The following KHDRBS2 variants were observed in gnomAD, a reference collection of about 807,000 sequenced individuals.
The protein encoded by KHDRBS2 is KH domain-containing, RNA-binding, signal transduction-associated protein 2.
Under a neutral mutation model 44.3 loss-of-function variants are expected in KHDRBS2, and 26 were observed. That is an observed-to-expected ratio of 0.59 (90% confidence interval 0.43 to 0.81). The LOEUF is 0.81. Ranked by LOEUF, KHDRBS2 falls within the 40% of genes least tolerant of loss-of-function variation. The pLI is 0.00. For missense variants in KHDRBS2, 476 were observed against 433.1 expected (o/e 1.10, Z -0.88); for synonymous variants, 194 against 151.1 (o/e 1.28, Z -2.08).
the KHDRBS2 span, among the ~76,000 whole-genome samples, chr6:61,607,547 A>AAAAAG: frequency 1.4e-5 from 2 of 140,216 alleles, no homozygotes; most frequent in African/African-American, 5.2e-5. Flanking sequence ...AAAAAAAAAG[A>AAAAAG]TGTGTGAGAA....
At chr6:62,114,168 G>A (rs1805666641) in intron 2 of KHDRBS2, among the ~76,000 whole-genome samples, 1 of 152,022 alleles carries the variant, frequency 6.6e-6, no homozygotes, top group South Asian at 2.1e-4. Context: ...TGACACTTGA[G>A]AATTATGGGA....
intron 6 of KHDRBS2, among the ~76,000 whole-genome samples, chr6:61,884,387 G>A (rs546153857): frequency 6.6e-6 from 1 of 152,148 alleles, no homozygotes; most frequent in South Asian, 2.1e-4. Context: ...TTCTTGCTTT[G>A]TTGTGTCCCG....
the KHDRBS2 span, among the ~76,000 whole-genome samples, chr6:61,579,718 T>C: frequency 1.3e-5 from 2 of 152,164 alleles, no homozygotes; most frequent in Non-Finnish European, 2.9e-5. Context: ...ATAGGGACAT[T>C]GGGTGATCTT....
At position 62,031,871 on chromosome 6, in the gene KHDRBS2, A is replaced by G. The variant is rs371839439; in HGVS notation, c.336+16007T>C. 1.2e-4 allele frequency among the ~76,000 whole-genome samples: 19 copies of G among 152,198 alleles called. No homozygotes were observed. The East Asian group carries it at 2.3e-3, about 19-fold the overall frequency. On this transcript the variant is annotated intron_variant, in intron 3 of 8. Coordinates refer to ENST00000281156, the MANE Select transcript of KHDRBS2 (RefSeq NM_152688.4). The stretch of plus-strand genomic sequence containing the variant: ...TGCCACCTGCTGATTGTAGAACCCC[A>G]GAGCCTTGAACAAACATAGGCAGTA...
At chr6:61,854,540 T>G (rs1438027438) in intron 6 of KHDRBS2, among the ~76,000 whole-genome samples, 1 of 152,270 alleles carries the variant, frequency 6.6e-6, no homozygotes, top group African/African-American at 2.4e-5. Context: ...TTGAGCAAAC[T>G]TGAGCTTTAT....
intron 7 of KHDRBS2, among the ~76,000 whole-genome samples, chr6:61,699,954 T>C (rs889199708): frequency 6.6e-6 from 1 of 151,986 alleles, no homozygotes; most frequent in African/African-American, 2.4e-5. Context: ...GGAATCTGGA[T>C]GTGTATCTCT....
chr6:61,549,024 T>A, the KHDRBS2 span, among the ~76,000 whole-genome samples: 1 of 152,132 alleles, frequency 6.6e-6, no homozygotes, highest in Non-Finnish European at 1.5e-5. Context: ...GCATGGCATG[T>A]AGCTTCTGGT....
chr6:61,584,954 CTT>C, the KHDRBS2 span, among the ~76,000 whole-genome samples: 4 of 151,694 alleles, frequency 2.6e-5, no homozygotes, highest in Non-Finnish European at 4.4e-5. Context: ...CATATTGACA[CTT>C]GAGATTTTTT....
At chr6:61,932,769 G>C (rs774526690) in intron 4 of KHDRBS2, among the ~76,000 whole-genome samples, 3 of 152,064 alleles carry the variant, frequency 2.0e-5, no homozygotes, top group Admixed American at 6.5e-5. Flanking sequence ...CTCCAGCCTG[G>C]GCGACAGAGC....
chr6:62,067,322 G>GT (rs1175537882), intron 2 of KHDRBS2, among the ~76,000 whole-genome samples: 2 of 151,648 alleles, frequency 1.3e-5, no homozygotes, highest in East Asian at 2.0e-4. Context: ...TTTAAAGGAA[G>GT]TTTTTTACAC....
intron 6 of KHDRBS2, among the ~76,000 whole-genome samples, chr6:61,740,762 C>A (rs1776020790): frequency 6.6e-6 from 1 of 151,746 alleles, no homozygotes; most frequent in South Asian, 2.1e-4. Context: ...TTCCAAAAAG[C>A]ATTAAGTGTT....
chr6:61,609,822 GT>G, the KHDRBS2 span, among the ~76,000 whole-genome samples: 3 of 152,168 alleles, frequency 2.0e-5, no homozygotes, highest in African/African-American at 7.2e-5. Context: ...TTTTAAAATA[GT>G]TTTTCTCAGA....
At chr6:61,698,682 C>T (rs549489572) in intron 7 of KHDRBS2, among the ~76,000 whole-genome samples, 1 of 151,966 alleles carries the variant, frequency 6.6e-6, no homozygotes, top group African/African-American at 2.4e-5. Context: ...CATTTGTCCC[C>T]CCCTTGTATT....
intron 6 of KHDRBS2, among the ~76,000 whole-genome samples, chr6:61,742,941 C>A (rs1776351294): frequency 6.6e-6 from 1 of 152,022 alleles, no homozygotes; most frequent in Non-Finnish European, 1.5e-5. Flanking sequence ...CTGGAAATTG[C>A]ATATTTCTGA....
At chr6:62,131,378 G>T (rs1490907735) in intron 2 of KHDRBS2, among the ~76,000 whole-genome samples, 1 of 152,140 alleles carries the variant, frequency 6.6e-6, no homozygotes, top group African/African-American at 2.4e-5. Flanking sequence ...ATAATTTAAA[G>T]AGAGCTTATT....
chr6:62,174,368 G>T (rs1423060976), intron 2 of KHDRBS2, among the ~76,000 whole-genome samples: 2 of 150,882 alleles, frequency 1.3e-5, no homozygotes, highest in East Asian at 1.9e-4. Context: ...TCTATAATGA[G>T]AATTATATAT....
chr6:62,090,622 T>C (rs1799326355), intron 2 of KHDRBS2, among the ~76,000 whole-genome samples: 1 of 152,022 alleles, frequency 6.6e-6, no homozygotes, highest in Non-Finnish European at 1.5e-5. Context: ...CAGTCATGCA[T>C]GATGCTCTAA....
At chr6:62,060,444 G>T (rs1233099650) in intron 2 of KHDRBS2, among the ~76,000 whole-genome samples, 1 of 151,798 alleles carries the variant, frequency 6.6e-6, no homozygotes, top group African/African-American at 2.4e-5. Flanking sequence ...AAAGGCTATA[G>T]ATGGGAGTAA....
chr6:61,699,855 T>G (rs1445163016), intron 7 of KHDRBS2, among the ~76,000 whole-genome samples: 1 of 151,978 alleles, frequency 6.6e-6, no homozygotes, highest in Non-Finnish European at 1.5e-5. Flanking sequence ...CCCAACATGT[T>G]TACATTCAAA....
Sources: gnomAD v4.1 joint callset for allele counts (sites outside exome capture counted in the v4.1 genomes callset) on GRCh38, gnomAD v4.1.1 for gene constraint, MANE v1.5 for transcripts, NCBI Gene and HGNC (gene_info 2026-07-23, HGNC 2026-07-21) for gene names.